The following CWF19L2 variants were observed in gnomAD, a reference collection of about 807,000 sequenced individuals.
CWF19L2 encodes CWF19 like cell cycle control factor 2.
In CWF19L2, 98 loss-of-function variants were observed where a neutral mutation model predicts 111.7. That is an observed-to-expected ratio of 0.88 (90% CI 0.75 to 1.04). The LOEUF (loss-of-function observed/expected upper bound fraction) is 1.04, where lower values mean the gene tolerates loss of function less well. CWF19L2 is among the 50% of genes least tolerant of loss of function. CWF19L2 has a pLI of 0.00. For missense variants in CWF19L2, 1,101 were observed against 1,051.4 expected, an observed-to-expected ratio of 1.05 and a Z score of -0.65; for synonymous variants, 351 against 342.9, an observed-to-expected ratio of 1.02 and a Z score of -0.26.
intron 17 of CWF19L2, among the ~76,000 whole-genome samples, chr11:107,328,483 C>T (rs965375356): frequency 6.6e-6 from 1 of 152,164 alleles, no homozygotes; most frequent in African/African-American, 2.4e-5. Flanking sequence ...TGAACAACTG[C>T]TTCAGCAGCA....
intron 12 of CWF19L2, among the ~76,000 whole-genome samples, chr11:107,378,079 A>T (rs1013089238): frequency 6.6e-5 from 10 of 151,324 alleles, no homozygotes; most frequent in Non-Finnish European, 1.3e-4. Flanking sequence ...ACCATCTCAC[A>T]GCAGTTAGAA....
intron 2 of CWF19L2, among the ~76,000 whole-genome samples, chr11:107,455,228 A>C (rs1292697159): frequency 6.6e-6 from 1 of 152,156 alleles, no homozygotes; most frequent in African/African-American, 2.4e-5. Flanking sequence ...GCTTGACTGA[A>C]TCTTTCTATA....
chr11:107,437,837 C>T (rs1423710030), intron 6 of CWF19L2, among the ~76,000 whole-genome samples: 1 of 152,112 alleles, frequency 6.6e-6, no homozygotes, highest in Admixed American at 6.6e-5. Flanking sequence ...CATCCTCTGA[C>T]ATTAGGGATG....
chr11:107,454,858 C>T (rs1011840478), intron 2 of CWF19L2, among the ~76,000 whole-genome samples: 2 of 152,054 alleles, frequency 1.3e-5, no homozygotes, highest in African/African-American at 4.8e-5. Flanking sequence ...ATCAAATAAA[C>T]ACATATATAC....
At chr11:107,362,480 T>A (rs896636583) in intron 12 of CWF19L2, among the ~76,000 whole-genome samples, 10 of 151,926 alleles carry the variant, frequency 6.6e-5, no homozygotes, top group Admixed American at 2.6e-4. Context: ...GAGATCTGAA[T>A]ACGGGCAGAC....
intron 3 of CWF19L2, among the ~76,000 whole-genome samples, chr11:107,444,920 T>C (rs963733134): frequency 6.6e-6 from 1 of 152,162 alleles, no homozygotes; most frequent in Admixed American, 6.5e-5. Context: ...TGGCCACTAC[T>C]GATTAGTTCA....
At chr11:107,438,719 G>A (rs555894679) in intron 6 of CWF19L2, among the ~76,000 whole-genome samples, 152 of 152,160 alleles carry the variant, frequency 1.0e-3, no homozygotes, top group African/African-American at 3.6e-3. Context: ...TTTCTCATAC[G>A]TAAACTTGGG....
At chr11:107,363,219 G>A (rs1372884796) in intron 12 of CWF19L2, among the ~76,000 whole-genome samples, 1 of 152,086 alleles carries the variant, frequency 6.6e-6, no homozygotes, top group African/African-American at 2.4e-5. Flanking sequence ...AAAGTGACAG[G>A]GAGAATGGAA....
chr11:107,437,092 A>G (rs1012590960), intron 6 of CWF19L2, among the ~76,000 whole-genome samples: 8 of 152,310 alleles, frequency 5.3e-5, no homozygotes, highest in African/African-American at 1.9e-4. Flanking sequence ...TGTCCCTTCA[A>G]TCATTACAAA....
chr11:107,333,525 G>A (rs1859879885), intron 16 of CWF19L2, among the ~76,000 whole-genome samples: 2 of 152,132 alleles, frequency 1.3e-5, no homozygotes, highest in South Asian at 2.1e-4. Context: ...AGTGAAAAAC[G>A]TAGCACAAAA....
At chr11:107,445,284 A>G (rs1056765638) in intron 3 of CWF19L2, among the ~76,000 whole-genome samples, 12 of 152,172 alleles carry the variant, frequency 7.9e-5, no homozygotes, top group Non-Finnish European at 1.6e-4. Flanking sequence ...CCAAAATACC[A>G]ACTAATATTC....
At chr11:107,349,737 T>C (rs1022804552) in intron 13 of CWF19L2, among the ~76,000 whole-genome samples, 11 of 152,274 alleles carry the variant, frequency 7.2e-5, no homozygotes, top group Middle Eastern at 3.4e-3. Flanking sequence ...ATATTTTGCA[T>C]GGCAGACATT....
intron 17 of CWF19L2, among the ~76,000 whole-genome samples, chr11:107,328,425 A>G (rs1160231442): frequency 6.6e-6 from 1 of 152,178 alleles, no homozygotes; most frequent in Non-Finnish European, 1.5e-5. Context: ...TCTGTTATCA[A>G]AGCAGCTGTT....
intron 14 of CWF19L2, among the ~76,000 whole-genome samples, chr11:107,338,697 G>A (rs761634274): frequency 1.3e-5 from 2 of 152,164 alleles, no homozygotes; most frequent in African/African-American, 2.4e-5. Flanking sequence ...GCATTAGCTT[G>A]CTAAGGATAA....
In CWF19L2 at chr11:107,391,897, C is replaced by T. The variant is rs141946734; in HGVS notation, c.1734+882G>A. 8.5e-5 allele frequency among the ~76,000 whole-genome samples: 13 copies of T among 152,272 alleles called. No individual in the cohort carries two copies. In the East Asian group the frequency reaches 2.1e-3, roughly 25 times the overall value. On this transcript the variant is annotated intron_variant, in intron 11 of 17. Transcript: ENST00000282251. ...AGCAAACTCTACTCATGAATGAAAG[C>T]GTCTACCTTCTTTACTCCTATACCT... is the stretch of plus-strand genomic sequence containing the variant.
chr11:107,408,777 T>A (rs149875624), intron 10 of CWF19L2, among the ~76,000 whole-genome samples: 418 of 152,084 alleles, frequency 2.7e-3, no homozygotes, highest in African/African-American at 9.2e-3. Flanking sequence ...AAGGAAATAA[T>A]ATTTTTGCAT....
At chr11:107,445,903 G>C (rs1021042900) in intron 3 of CWF19L2, among the ~76,000 whole-genome samples, 4 of 152,122 alleles carry the variant, frequency 2.6e-5, no homozygotes, top group Admixed American at 2.0e-4. Context: ...TTATGATCAA[G>C]TGTCCAATTA....
intron 12 of CWF19L2, among the ~76,000 whole-genome samples, chr11:107,389,044 C>G (rs1168386976): frequency 6.6e-6 from 1 of 152,192 alleles, no homozygotes; most frequent in Non-Finnish European, 1.5e-5. Context: ...GTTACTTTAT[C>G]TTAGTTTTCA....
chr11:107,388,214 A>G (rs1373647308), intron 12 of CWF19L2, among the ~76,000 whole-genome samples: 1 of 152,204 alleles, frequency 6.6e-6, no homozygotes, highest in Non-Finnish European at 1.5e-5. Flanking sequence ...TTTCAATTTT[A>G]TAATATATTG....
Sources: allele counts gnomAD v4.1 joint callset (sites outside exome capture counted in the v4.1 genomes callset), GRCh38; gene constraint gnomAD v4.1.1; transcripts MANE v1.5; gene names NCBI Gene and HGNC (gene_info 2026-07-23, HGNC 2026-07-21).